TASP1: variants seen among roughly 807,000 people sequenced by gnomAD.
TASP1 encodes threonine aspartase 1.
In TASP1, 16 loss-of-function variants were observed where a neutral mutation model predicts 56.6. That is an observed-to-expected ratio of 0.28 (90% CI 0.19 to 0.43). The LOEUF is 0.43. TASP1 is among the 20% of genes least tolerant of loss of function. TASP1 has a pLI of 1.00. For synonymous variants in TASP1, 179 were observed against 184.2 expected, an observed-to-expected ratio of 0.97 and a Z score of 0.23; for missense variants, 393 against 511.6, an observed-to-expected ratio of 0.77 and a Z score of 2.24.
chr20:13,534,585 C>T (rs73086003), intron 8 of TASP1, among the ~76,000 whole-genome samples: 136 of 152,276 alleles, frequency 8.9e-4, no homozygotes, highest in Non-Finnish European at 1.7e-3. Context: ...AATAGAAATA[C>T]ATTCCACACA....
At chr20:13,118,124 A>G in the TASP1 span, among the ~76,000 whole-genome samples, 83 of 152,314 alleles carry the variant, frequency 5.4e-4, no homozygotes, top group East Asian at 0.014. Flanking sequence ...AGAAGTGATA[A>G]GGGATGTTCT....
At chr20:13,451,176 A>ATGG (rs2043603208) in intron 11 of TASP1, among the ~76,000 whole-genome samples, 1 of 152,120 alleles carries the variant, frequency 6.6e-6, no homozygotes, top group Non-Finnish European at 1.5e-5. Context: ...GCTGTCATCT[A>ATGG]GACTTTGTTG....
intron 12 of TASP1, among the ~76,000 whole-genome samples, chr20:13,417,928 T>C (rs1306153305): frequency 6.6e-6 from 1 of 152,218 alleles, no homozygotes; most frequent in Non-Finnish European, 1.5e-5. Context: ...TCTTTCCTTA[T>C]TGAGACGGAG....
chr20:13,444,859 G>C (rs974816102), intron 11 of TASP1, among the ~76,000 whole-genome samples: 3 of 152,132 alleles, frequency 2.0e-5, no homozygotes, highest in Admixed American at 6.6e-5. Flanking sequence ...ACTGGTCCAG[G>C]TCTCTGTCTA....
intron 4 of TASP1, among the ~76,000 whole-genome samples, chr20:13,611,195 T>C (rs1198351743): frequency 6.6e-6 from 1 of 152,230 alleles, no homozygotes; most frequent in African/African-American, 2.4e-5. Context: ...TAAATGATGT[T>C]GGAAGCTAAA....
intron 11 of TASP1, among the ~76,000 whole-genome samples, chr20:13,465,370 C>A (rs921335564): frequency 6.6e-6 from 1 of 151,888 alleles, no homozygotes; most frequent in Non-Finnish European, 1.5e-5. Context: ...AACTGAATCA[C>A]TCGTACCTTG....
chr20:13,266,818 C>G, the TASP1 span, among the ~76,000 whole-genome samples: 1 of 152,152 alleles, frequency 6.6e-6, no homozygotes, highest in Non-Finnish European at 1.5e-5. Context: ...GAGATCCACC[C>G]CTCTTGAAAA....
At chr20:13,544,557 A>T (rs889484798) in intron 8 of TASP1, among the ~76,000 whole-genome samples, 1 of 152,236 alleles carries the variant, frequency 6.6e-6, no homozygotes, top group Admixed American at 6.5e-5. Flanking sequence ...TGCTACTAAC[A>T]TACCGACTAA....
the TASP1 span, among the ~76,000 whole-genome samples, chr20:13,289,235 G>C: frequency 6.6e-6 from 1 of 152,218 alleles, no homozygotes; most frequent in African/African-American, 2.4e-5. Flanking sequence ...ACTCTGGTTA[G>C]ATTGGGTTTT....
intron 11 of TASP1, among the ~76,000 whole-genome samples, chr20:13,474,505 T>C (rs1472264528): frequency 6.6e-6 from 1 of 152,250 alleles, no homozygotes; most frequent in Non-Finnish European, 1.5e-5. Context: ...ATGGTGTGTA[T>C]ATACCATATT....
chr20:13,428,832 A>G (rs909105418), intron 12 of TASP1, among the ~76,000 whole-genome samples: 20 of 152,134 alleles, frequency 1.3e-4, no homozygotes, highest in Non-Finnish European at 2.5e-4. Flanking sequence ...ATTTTCTGTG[A>G]TATTTCATTT....
chr20:13,550,181 CACACAG>C (rs1405041943), intron 8 of TASP1, among the ~76,000 whole-genome samples: 65 of 150,860 alleles, frequency 4.3e-4, no homozygotes, highest in African/African-American at 1.3e-3. Context: ...CACACACACA[CACACAG>C]AGACACTGCA....
At chr20:13,158,761 G>A in the TASP1 span, among the ~76,000 whole-genome samples, 4 of 152,304 alleles carry the variant, frequency 2.6e-5, no homozygotes, top group East Asian at 7.7e-4. Flanking sequence ...TGTGGGTCCT[G>A]CAGTCTCCAT....
rs117737833 is a variant in TASP1, at chr20:13,544,514, T to C, written c.676-10373A>G. Reference sequence around the variant, plus strand: ...CTTCATAGAGGCATGTGTATCATAGTATTAATACTTCAAAGACAGAAACAA... The same window carrying C: ...CTTCATAGAGGCATGTGTATCATAGCATTAATACTTCAAAGACAGAAACAA... On this transcript the variant is annotated intron_variant, in intron 8 of 13. Transcript: ENST00000337743. 5.1e-3 allele frequency among the ~76,000 whole-genome samples: 771 copies of C among 150,010 alleles called. 4 individuals are homozygous for C. Among genetic ancestry groups the C allele is most frequent in the East Asian group, 0.012 (60 of 5,098 alleles).
At chr20:13,579,818 T>C (rs180792254) in intron 6 of TASP1, among the ~76,000 whole-genome samples, 1 of 152,336 alleles carries the variant, frequency 6.6e-6, no homozygotes, top group Non-Finnish European at 1.5e-5. Flanking sequence ...TCTAGTGCCA[T>C]AATTAAACTG....
intron 10 of TASP1, 30 bp downstream of exon 10, chr20:13,528,403 A>G (rs1568548876): frequency 1.3e-6 from 2 of 1,581,770 alleles, no homozygotes; most frequent in Non-Finnish European, 1.7e-6. Context: ...GGTTGAAGTT[A>G]TGAGAAATGG....
At chr20:13,294,247 G>A in the TASP1 span, among the ~76,000 whole-genome samples, 1 of 152,148 alleles carries the variant, frequency 6.6e-6, no homozygotes, top group Non-Finnish European at 1.5e-5. Context: ...AAATGTCTAT[G>A]AGCCAAATTG....
the TASP1 span, among the ~76,000 whole-genome samples, chr20:13,153,792 C>T: frequency 6.6e-6 from 1 of 152,180 alleles, no homozygotes; most frequent in African/African-American, 2.4e-5. Context: ...GTAGAACCCT[C>T]CACCTCCCTT....
intron 7 of TASP1, among the ~76,000 whole-genome samples, chr20:13,562,923 G>A (rs1322286428): frequency 0.017 from 2,418 of 145,362 alleles, 28 homozygotes; most frequent in Non-Finnish European, 0.022. Context: ...ATATGTGTGT[G>A]TGTGTGTGTG....
Sources: allele counts gnomAD v4.1 joint callset (sites outside exome capture counted in the v4.1 genomes callset), GRCh38; gene constraint gnomAD v4.1.1; transcripts MANE v1.5; gene names NCBI Gene and HGNC (gene_info 2026-07-23, HGNC 2026-07-21).